HERC4: variants seen among roughly 807,000 people sequenced by gnomAD.
HERC4 encodes HECT and RLD domain containing E3 ubiquitin protein ligase 4, also known as probable E3 ubiquitin-protein ligase HERC4.
HERC4 carries 28 observed loss-of-function variants against 124.3 expected under a neutral mutation model. That is an observed-to-expected ratio of 0.23 (90% CI 0.17 to 0.31). HERC4 has a LOEUF of 0.31. Among genes scored for constraint, HERC4 ranks in the 10% least tolerant of loss-of-function variants. HERC4 has a pLI of 1.00. For missense variants in HERC4, 713 were observed against 1,229.3 expected, an observed-to-expected ratio of 0.58 and a Z score of 6.28; for synonymous variants, 407 against 421.5, an observed-to-expected ratio of 0.97 and a Z score of 0.42.
At chr10:68,036,687 A>G (rs1307958393) in intron 5 of HERC4, among the ~76,000 whole-genome samples, 1 of 152,104 alleles carries the variant, frequency 6.6e-6, no homozygotes, top group Admixed American at 6.5e-5. Flanking sequence ...TCTTAACTCT[A>G]TGCCTTTACA....
intron 7 of HERC4, among the ~76,000 whole-genome samples, chr10:68,032,044 G>A (rs2039234963): frequency 6.6e-6 from 1 of 152,168 alleles, no homozygotes; most frequent in Non-Finnish European, 1.5e-5. Flanking sequence ...GAGCCTCTGT[G>A]CCCGGACGTT....
At chr10:68,008,384 G>T (rs1358705191) in intron 9 of HERC4, among the ~76,000 whole-genome samples, 1 of 152,086 alleles carries the variant, frequency 6.6e-6, no homozygotes, top group African/African-American at 2.4e-5. Context: ...TTATCTTCAG[G>T]GCAGCAGCTT....
intron 4 of HERC4, among the ~76,000 whole-genome samples, chr10:68,042,505 C>T (rs1024539055): frequency 7.2e-5 from 11 of 152,228 alleles, no homozygotes; most frequent in African/African-American, 2.6e-4. Context: ...CGCCTATAGT[C>T]GCACCTACTA....
chr10:68,006,387 T>TTTTG lies in HERC4; in HGVS notation c.1069+7638_1069+7639insCAAA, dbSNP rs1564537790. On this transcript the variant is annotated intron_variant, in intron 9 of 24. Coordinates refer to ENST00000373700, the MANE Select transcript of HERC4 (RefSeq NM_015601.4). ...TGTTTTTGTTTTTGTTTTTTTTTTT[T>TTTTG]TTTTGAGACAGTTTCCTCTTGCTGT... Among the ~76,000 whole-genome samples, 7 of 151,594 alleles carry TTTTG rather than the reference T, an allele frequency of 4.6e-5. No homozygotes were observed. In the East Asian group the frequency reaches 1.4e-3, roughly 29 times the overall value.
intron 16 of HERC4, chr10:67,959,138 TA>T: frequency 6.3e-7 from 1 of 1,594,894 alleles, no homozygotes; most frequent in African/African-American, 1.3e-5. Flanking sequence ...GTTGACATCC[TA>T]AGACAGCAGT....
rs757848606 is a variant in HERC4 at position 67,932,708 on chromosome 10, A to G, written c.2727T>C (p.His909=). 35 of 1,601,150 alleles carry G rather than the reference A, an allele frequency of 2.2e-5. No individual in the cohort carries two copies. The highest frequency in any genetic ancestry group is 2.8e-5 in the Non-Finnish European group (33 of 1,177,320). ...KSVASLFDAF[H]AGFHKVCGGK... ...CTCCACAGACCTTATGAAAGCCCGCATGAAAAGCATCAAATAAGGAAGCCA... is the reference window on the plus strand; with the variant it reads ...CTCCACAGACCTTATGAAAGCCCGCGTGAAAAGCATCAAATAAGGAAGCCA... Residue 909 remains histidine, a synonymous_variant, in exon 23 of 25, where the codon CAT becomes CAC. Transcript: ENST00000373700.
At chr10:68,021,143 A>G (rs900186587) in intron 8 of HERC4, among the ~76,000 whole-genome samples, 1 of 152,212 alleles carries the variant, frequency 6.6e-6, no homozygotes, top group African/African-American at 2.4e-5. Flanking sequence ...CACACAGTTC[A>G]ATCAAAATGC....
chr10:67,925,155 T>C lies in HERC4; in HGVS notation c.2871A>G (p.Glu957=), dbSNP rs764257921. The part of the protein sequence containing the change: ...NTEYKGEYWA[E]HPTIKIFWEV... ...CCCAAAAAATTTTTATCGTAGGATG[T>C]TCTGCCCAATATTCCCCTTTGTATT... Residue 957 remains glutamate (E), a synonymous_variant, in exon 24 of 25, where the codon GAA becomes GAG. Transcript: ENST00000373700. 1.9e-6 allele frequency: 3 copies of C among 1,603,246 alleles called. No homozygotes were observed. The highest frequency in any genetic ancestry group is 3.3e-5 in the Admixed American group (2 of 59,950).
chr10:67,990,968 A>G lies in HERC4; in HGVS notation c.1379T>C (p.Met460Thr). The change falls in exon 13 of 25, where the codon ATG becomes ACG. Residue 460 changes from methionine to threonine, a missense_variant. Coordinates refer to ENST00000373700, the MANE Select transcript of HERC4 (RefSeq NM_015601.4). ...RTGTRFSGVD[M>T]NAARLLFHKL... ...GTGGAATAAAAGCCTAGCAGCATTC[A>G]TATCAACCCCTGAAAATCTGGTACC... 6.2e-7 allele frequency: 1 copy of G among 1,609,336 alleles called. No homozygotes were observed. Among genetic ancestry groups the G allele is most frequent in the South Asian group, 1.1e-5 (1 of 90,450 alleles).
At chr10:67,930,827 G>A (rs1432038131) in intron 23 of HERC4, among the ~76,000 whole-genome samples, 3 of 152,106 alleles carry the variant, frequency 2.0e-5, no homozygotes, top group African/African-American at 7.2e-5. Flanking sequence ...TTACAGGAGT[G>A]TGCCACCACA....
intron 19 of HERC4, among the ~76,000 whole-genome samples, chr10:67,951,693 T>C (rs760281738): frequency 6.6e-6 from 1 of 152,192 alleles, no homozygotes; most frequent in Non-Finnish European, 1.5e-5. Flanking sequence ...TAGGTCTCCT[T>C]GCTCTTGCTC....
At chr10:68,011,961 G>A (rs1589318555) in intron 9 of HERC4, among the ~76,000 whole-genome samples, 1 of 152,218 alleles carries the variant, frequency 6.6e-6, no homozygotes, top group Non-Finnish European at 1.5e-5. Flanking sequence ...ACCTCAGCTA[G>A]ACATGCTAGA....
At chr10:67,927,134 A>C (rs555645287) in intron 23 of HERC4, among the ~76,000 whole-genome samples, 17 of 152,112 alleles carry the variant, frequency 1.1e-4, no homozygotes, top group Non-Finnish European at 2.2e-4. Flanking sequence ...AAACAGCTTG[A>C]ATTCTAGCAT....
chr10:67,939,521 C>A, intron 21 of HERC4, 67 bp downstream of exon 21: 1 of 1,111,330 alleles, frequency 9.0e-7, no homozygotes, highest in Non-Finnish European at 1.3e-6. Context: ...AAGAAAAACC[C>A]TAAGACACGG....
At chr10:67,963,040 G>A (rs1589193621) in intron 16 of HERC4, among the ~76,000 whole-genome samples, 1 of 152,158 alleles carries the variant, frequency 6.6e-6, no homozygotes, top group Non-Finnish European at 1.5e-5. Flanking sequence ...GAGAAATTAA[G>A]TAATTTTCCC....
intron 14 of HERC4, among the ~76,000 whole-genome samples, 192 bp downstream of exon 14, chr10:67,990,018 GT>G: frequency 6.6e-6 from 1 of 152,068 alleles, no homozygotes; most frequent in African/African-American, 2.4e-5. Flanking sequence ...TATCTAACAT[GT>G]TTTTCTTTCA....
intron 4 of HERC4, among the ~76,000 whole-genome samples, chr10:68,043,820 A>G (rs952346384): frequency 6.6e-6 from 1 of 152,140 alleles, no homozygotes; most frequent in Non-Finnish European, 1.5e-5. Flanking sequence ...TGTCTCAAAA[A>G]CAAACAAACA....
intron 7 of HERC4, among the ~76,000 whole-genome samples, chr10:68,029,465 C>T (rs1322393689): frequency 6.6e-6 from 1 of 151,654 alleles, no homozygotes; most frequent in East Asian, 1.9e-4. Context: ...GTACTCCAGA[C>T]TGGGTGACAG....
At chr10:68,057,659 T>C (rs887358807) in intron 3 of HERC4, among the ~76,000 whole-genome samples, 1 of 151,124 alleles carries the variant, frequency 6.6e-6, no homozygotes, top group Non-Finnish European at 1.5e-5. Context: ...GTATATTTAC[T>C]CAAGTGCCTA....
Sources: allele counts gnomAD v4.1 joint callset (sites outside exome capture counted in the v4.1 genomes callset), GRCh38; gene constraint gnomAD v4.1.1; transcripts MANE v1.5; gene names NCBI Gene and HGNC (gene_info 2026-07-23, HGNC 2026-07-21).